Variants in WDR7 observed in about 807,000 individuals in gnomAD.
The protein encoded by WDR7 is WD repeat domain 7.
A neutral mutation model predicts 169.4 loss-of-function variants in WDR7; 46 were observed. The observed-to-expected ratio is 0.27, with a 90% CI of 0.21 to 0.35. The LOEUF (loss-of-function observed/expected upper bound fraction) is 0.35. WDR7 is among the 10% of genes least tolerant of loss of function. The probability of loss-of-function intolerance (pLI) is 1.00; values close to 1 mark genes in which losing one functional copy is unlikely to be tolerated. For synonymous variants in WDR7, 612 were observed against 666.8 expected (o/e 0.92, Z 1.27); for missense variants, 1,534 against 1,859.3 (o/e 0.83, Z 3.22).
At chr18:56,840,706 C>G (rs187602066) in intron 20 of WDR7, among the ~76,000 whole-genome samples, 366 of 151,820 alleles carry the variant, frequency 2.4e-3, no homozygotes, top group African/African-American at 8.4e-3. Flanking sequence ...GTAGTCCCAG[C>G]TACTCTGGAG....
At chr18:56,705,803 C>T (rs1390866613) in intron 12 of WDR7, among the ~76,000 whole-genome samples, 1 of 152,176 alleles carries the variant, frequency 6.6e-6, no homozygotes, top group African/African-American at 2.4e-5. Flanking sequence ...TCGAGACCAT[C>T]CTGGCCAACA....
At chr18:56,939,164 T>A (rs2047001060) in intron 24 of WDR7, 147 bp from the exon 25 acceptor site, 1 of 513,040 alleles carries the variant, frequency 1.9e-6, no homozygotes, top group South Asian at 4.4e-5. Flanking sequence ...AGTATACACA[T>A]GGCTTAAATT....
At chr18:56,897,431 A>G (rs2046345319) in intron 21 of WDR7, among the ~76,000 whole-genome samples, 1 of 151,960 alleles carries the variant, frequency 6.6e-6, no homozygotes, top group South Asian at 2.1e-4. Flanking sequence ...ATGAACTTTT[A>G]TGAAGTTCAA....
chr18:56,933,999 A>G (rs1282590864), intron 22 of WDR7, among the ~76,000 whole-genome samples: 1 of 152,212 alleles, frequency 6.6e-6, no homozygotes, highest in Non-Finnish European at 1.5e-5. Context: ...TGCCAACTCC[A>G]GCATTCTGTG....
chr18:56,795,432 ATTTG>A (rs1221263852), intron 19 of WDR7, among the ~76,000 whole-genome samples: 1 of 152,170 alleles, frequency 6.6e-6, no homozygotes, highest in Non-Finnish European at 1.5e-5. Context: ...GCACACTTTC[ATTTG>A]AATCTTAGAG....
chr18:56,685,919 G>A (rs761098278), intron 5 of WDR7, 37 bp from the exon 6 acceptor site: 30 of 1,538,922 alleles, frequency 1.9e-5, no homozygotes, highest in African/African-American at 4.2e-5. Flanking sequence ...TATTATGTTC[G>A]TAACCTGGGC....
chr18:56,820,339 C>CAAAAA lies in WDR7; in HGVS notation c.3304+4216_3304+4220dup, dbSNP rs386387798. Among the ~76,000 whole-genome samples the CAAAAA allele has an allele frequency of 7.2e-3, 307 of 42,408 alleles. 56 individuals are homozygous for CAAAAA. Among genetic ancestry groups the CAAAAA allele is most frequent in the African/African-American group, 9.3e-3 (74 of 7,964 alleles). The allele number at this position is 42,408 out of a possible 152,430, so 27.8% of individuals were successfully genotyped here. A position where few individuals can be genotyped will look rare whatever the true frequency, so the allele number is the denominator to read the frequency against. On this transcript the variant is annotated intron_variant, in intron 20 of 27. Transcript: ENST00000254442. ...AAGGGTCAAGAGTCACTGACATTGT[C>CAAAAA]AAAAAAAAAAAAAAAAAAAAAAAAA... is the stretch of plus-strand genomic sequence containing the variant.
intron 12 of WDR7, among the ~76,000 whole-genome samples, chr18:56,698,868 A>G (rs953000108): frequency 3.3e-5 from 5 of 152,268 alleles, no homozygotes; most frequent in Admixed American, 6.5e-5. Context: ...ATGCTTAACA[A>G]TAGAAATTTT....
intron 19 of WDR7, among the ~76,000 whole-genome samples, chr18:56,808,074 CAG>C (rs1306677897): frequency 6.6e-6 from 1 of 152,068 alleles, no homozygotes; most frequent in African/African-American, 2.4e-5. Flanking sequence ...GCAATGTGTG[CAG>C]AGAGACTAGG....
In WDR7 at chr18:56,794,304, A is replaced by ATTTTTTTTTTTTTTTTTTTTT. The variant is rs566857049; in HGVS notation, c.3190+12651_3190+12671dup. Reference sequence around the variant, plus strand: ...GTTTGTGTCTTAAAAGGTAAAGTCTATTTTTTTTTTTTTTTTTTTTTTTGA... The same window carrying ATTTTTTTTTTTTTTTTTTTTT: ...GTTTGTGTCTTAAAAGGTAAAGTCTATTTTTTTTTTTTTTTTTTTTTTTTTTTTTTTTTTTTTTTTTTTTGA... On this transcript the variant is annotated intron_variant, in intron 19 of 27. Coordinates refer to ENST00000254442, the MANE Select transcript of WDR7 (RefSeq NM_015285.3). Among the ~76,000 whole-genome samples, 455 of 49,462 alleles carry ATTTTTTTTTTTTTTTTTTTTT rather than the reference A, an allele frequency of 9.2e-3. 166 individuals are homozygous for ATTTTTTTTTTTTTTTTTTTTT. The highest frequency in any genetic ancestry group is 0.013 in the Non-Finnish European group (349 of 26,184). The allele number at this position is 49,462 out of a possible 152,430, so 32.4% of individuals were successfully genotyped here. A position where few individuals can be genotyped will look rare whatever the true frequency, so the allele number is the denominator to read the frequency against.
chr18:57,022,122 G>A (rs1334825652), intron 27 of WDR7, among the ~76,000 whole-genome samples: 3 of 152,174 alleles, frequency 2.0e-5, no homozygotes, highest in African/African-American at 7.2e-5. Context: ...AGTATCCACA[G>A]CACTGGTGTT....
intron 25 of WDR7, among the ~76,000 whole-genome samples, chr18:56,948,571 G>A (rs572396096): frequency 1.3e-5 from 2 of 152,290 alleles, no homozygotes; most frequent in African/African-American, 4.8e-5. Context: ...CTAATAAATG[G>A]CATCAGTTCT....
chr18:56,835,063 A>G lies in WDR7; in HGVS notation c.3304+18919A>G, dbSNP rs17090375. ...TCATCAGCCCTGACGTCACTCTCCA[A>G]TATGGTTTTTCAACTCAATATAAAG... On this transcript the variant is annotated intron_variant, in intron 20 of 27. Coordinates refer to ENST00000254442, the MANE Select transcript of WDR7 (RefSeq NM_015285.3). Among the ~76,000 whole-genome samples, 416 of 152,238 alleles carry G rather than the reference A, an allele frequency of 2.7e-3. 1 individual carries two copies. Among genetic ancestry groups the G allele is most frequent in the African/African-American group, 9.4e-3 (390 of 41,548 alleles).
intron 22 of WDR7, among the ~76,000 whole-genome samples, chr18:56,927,959 G>A (rs1386554716): frequency 6.6e-6 from 1 of 152,112 alleles, no homozygotes; most frequent in Non-Finnish European, 1.5e-5. Flanking sequence ...AATCACCCTG[G>A]GTAACCAGAG....
At chr18:56,792,987 C>T (rs1019238101) in intron 19 of WDR7, among the ~76,000 whole-genome samples, 4 of 152,112 alleles carry the variant, frequency 2.6e-5, no homozygotes, top group Admixed American at 6.6e-5. Flanking sequence ...AAAATGACTG[C>T]GCTCTTTGTA....
At chr18:56,721,934 TATC>T (rs1416748645) in intron 13 of WDR7, among the ~76,000 whole-genome samples, 2 of 152,218 alleles carry the variant, frequency 1.3e-5, no homozygotes, top group Non-Finnish European at 2.9e-5. Flanking sequence ...GCTTGACAAA[TATC>T]ATCAGAAATT....
chr18:56,987,434 T>C (rs556998101), intron 26 of WDR7, among the ~76,000 whole-genome samples: 77 of 151,968 alleles, frequency 5.1e-4, no homozygotes, highest in African/African-American at 1.8e-3. Context: ...GATATACAGA[T>C]AGGGCTGCAG....
At chr18:56,694,540 C>T (rs2025654424) in intron 9 of WDR7, 79 bp from the exon 10 acceptor site, 2 of 1,408,134 alleles carry the variant, frequency 1.4e-6, no homozygotes, top group Non-Finnish European at 1.9e-6. Context: ...TACCTAATAT[C>T]TTTGTTTGAA....
intron 14 of WDR7, among the ~76,000 whole-genome samples, chr18:56,747,990 AT>A (rs2043731687): frequency 6.6e-6 from 1 of 151,592 alleles, no homozygotes; most frequent in Non-Finnish European, 1.5e-5. Context: ...GTTTCCATTC[AT>A]TTACAAGTGT....
Sources: gnomAD v4.1 joint callset for allele counts (sites outside exome capture counted in the v4.1 genomes callset) on GRCh38, gnomAD v4.1.1 for gene constraint, MANE v1.5 for transcripts, NCBI Gene and HGNC (gene_info 2026-07-23, HGNC 2026-07-21) for gene names.